MAGI2: variants seen among roughly 807,000 people sequenced by gnomAD.
MAGI2 encodes the protein membrane associated guanylate kinase, WW and PDZ domain containing 2, also known as membrane-associated guanylate kinase, WW and PDZ domain-containing protein 2.
MAGI2 carries 35 observed loss-of-function variants against 133.3 expected under a neutral mutation model. The ratio of observed to expected loss-of-function variants is 0.26; its 90% CI spans 0.20 to 0.35. The LOEUF (loss-of-function observed/expected upper bound fraction) is 0.35. Among genes scored for constraint, MAGI2 ranks in the 10% least tolerant of loss-of-function variants. MAGI2 has a pLI of 1.00. For synonymous variants in MAGI2, 729 were observed against 710.6 expected (o/e 1.03, Z -0.41); for missense variants, 1,636 against 1,863.4 (o/e 0.88, Z 2.25).
intron 20 of MAGI2, among the ~76,000 whole-genome samples, chr7:78,109,303 CAAAAAAAAAAAAAAA>C (rs71085511): frequency 1.0e-4 from 2 of 19,944 alleles, no homozygotes; most frequent in African/African-American, 2.0e-4. Flanking sequence ...GACTCCGTCT[CAAAAAAAAAAAAAAA>C]AAAAAAAAAA....
rs111433212 is a variant in MAGI2 at position 78,837,242 on chromosome 7, C to T, written c.418+169848G>A. ...AACACATCTTACTAATTCTGTACTT[C>T]ATGTTTTTGTACATTGATTCTAGTT... On this transcript the variant is annotated intron_variant, in intron 2 of 21. Coordinates refer to ENST00000354212, the MANE Select transcript of MAGI2 (RefSeq NM_012301.4). Among the ~76,000 whole-genome samples, 370 of 152,258 alleles carry T rather than the reference C, an allele frequency of 2.4e-3. 3 individuals are homozygous for T. The highest frequency in any genetic ancestry group is 8.4e-3 in the African/African-American group (351 of 41,564).
chr7:79,086,121 C>T (rs1203822385), intron 1 of MAGI2, among the ~76,000 whole-genome samples: 7 of 151,894 alleles, frequency 4.6e-5, no homozygotes, highest in Non-Finnish European at 8.8e-5. Context: ...CTCATTATCT[C>T]TATTTGGTGA....
chr7:78,143,913 T>C (rs1297392574), intron 16 of MAGI2, among the ~76,000 whole-genome samples: 5 of 151,488 alleles, frequency 3.3e-5, no homozygotes. Context: ...CTTTCACTTA[T>C]AGTCCTATAA....
chr7:78,550,569 T>G (rs1442580280), intron 3 of MAGI2, among the ~76,000 whole-genome samples: 1 of 152,242 alleles, frequency 6.6e-6, no homozygotes, highest in Non-Finnish European at 1.5e-5. Flanking sequence ...ACCTGGACCT[T>G]GGAATACTGA....
At chr7:79,129,417 C>T (rs1820713757) in intron 1 of MAGI2, among the ~76,000 whole-genome samples, 1 of 152,102 alleles carries the variant, frequency 6.6e-6, no homozygotes, top group East Asian at 1.9e-4. Context: ...TCTAGTACTC[C>T]AAATGTGATT....
At chr7:79,121,189 C>T (rs1475508828) in intron 1 of MAGI2, among the ~76,000 whole-genome samples, 2 of 152,078 alleles carry the variant, frequency 1.3e-5, no homozygotes, top group African/African-American at 4.8e-5. Context: ...ACCTCCAGAA[C>T]ATGACTTATA....
At chr7:79,151,564 T>C (rs1350965438) in intron 1 of MAGI2, among the ~76,000 whole-genome samples, 4 of 152,128 alleles carry the variant, frequency 2.6e-5, no homozygotes, top group Non-Finnish European at 4.4e-5. Context: ...ATATCAAGTA[T>C]AGTGTGACTG....
At chr7:78,585,499 G>A (rs1014008407) in intron 3 of MAGI2, among the ~76,000 whole-genome samples, 3 of 152,190 alleles carry the variant, frequency 2.0e-5, no homozygotes, top group Non-Finnish European at 4.4e-5. Flanking sequence ...GGAAATGGCA[G>A]CAGCATAGGA....
chr7:79,109,226 G>A (rs1054711890), intron 1 of MAGI2, among the ~76,000 whole-genome samples: 6 of 152,172 alleles, frequency 3.9e-5, no homozygotes, highest in African/African-American at 1.2e-4. Flanking sequence ...TGGAGGGCTC[G>A]AAGGACAGGA....
intron 16 of MAGI2, among the ~76,000 whole-genome samples, chr7:78,146,533 A>G (rs915983415): frequency 1.3e-5 from 2 of 152,190 alleles, no homozygotes; most frequent in Admixed American, 1.3e-4. Flanking sequence ...CTTGAGAGAT[A>G]AAAACATAAA....
intron 1 of MAGI2, among the ~76,000 whole-genome samples, chr7:79,247,974 A>C (rs1290431313): frequency 6.6e-6 from 1 of 152,204 alleles, no homozygotes; most frequent in Non-Finnish European, 1.5e-5. Context: ...AACACAAAAC[A>C]ACCAGGACAC....
At chr7:78,307,984 G>A (rs181210045) in intron 9 of MAGI2, among the ~76,000 whole-genome samples, 13 of 152,268 alleles carry the variant, frequency 8.5e-5, no homozygotes, top group African/African-American at 2.9e-4. Context: ...ATTTTGAGAG[G>A]CATTGGATAA....
chr7:78,688,343 GACCA>G (rs549512709), intron 2 of MAGI2, among the ~76,000 whole-genome samples: 102 of 152,222 alleles, frequency 6.7e-4, no homozygotes, highest in African/African-American at 2.2e-3. Flanking sequence ...TAAAGGAAAG[GACCA>G]ACCAATTATT....
intron 2 of MAGI2, among the ~76,000 whole-genome samples, chr7:78,761,977 T>C (rs925443075): frequency 6.6e-6 from 1 of 152,132 alleles, no homozygotes; most frequent in African/African-American, 2.4e-5. Context: ...AATACTGACA[T>C]GAGGCATGGA....
Position 78,019,959 on chromosome 7 carries a change from T to A in MAGI2, c.3724A>T (p.Ser1242Cys). 2.5e-6 allele frequency: 4 copies of A among 1,606,658 alleles called. No homozygotes were observed. Among genetic ancestry groups the A allele is most frequent in the Non-Finnish European group, 3.4e-6 (4 of 1,177,452 alleles). Reference protein sequence around the residue: ...VPEYDEPAPWSSPAAAAPGLP... With the variant: ...VPEYDEPAPWCSPAAAAPGLP... ...CCTGGGGCGGCGGCAGCGGGAGAAC[T>A]CCAGGGGGCGGGTTCGTCTGTGGAC... The change falls in exon 22 of 22, where the codon AGT becomes TGT. Residue 1242 changes from serine (S) to cysteine (C), a missense_variant. Around this residue, in one of 5 missense-constraint regions of MAGI2, gnomAD observed 354 missense variants for 298.7 expected, o/e 1.19. Coordinates refer to ENST00000354212, the MANE Select transcript of MAGI2 (RefSeq NM_012301.4).
At chr7:78,573,365 A>AATATATAT (rs58739225) in intron 3 of MAGI2, among the ~76,000 whole-genome samples, 692 of 28,978 alleles carry the variant, frequency 0.024, 40 homozygotes, top group Non-Finnish European at 0.027. Flanking sequence ...GAATCCTGGA[A>AATATATAT]ATATATATAT....
intron 1 of MAGI2, among the ~76,000 whole-genome samples, chr7:79,065,697 G>A (rs1471955103): frequency 1.3e-5 from 2 of 151,996 alleles, no homozygotes; most frequent in Non-Finnish European, 2.9e-5. Flanking sequence ...TTCTCCTAAT[G>A]CTATCCTTCC....
chr7:79,285,073 A>T (rs1167885244), intron 1 of MAGI2, among the ~76,000 whole-genome samples: 1 of 152,082 alleles, frequency 6.6e-6, no homozygotes, highest in Non-Finnish European at 1.5e-5. Flanking sequence ...CCCATAATAG[A>T]ATGACTCTTA....
chr7:79,237,386 TG>T (rs919617756), intron 1 of MAGI2, among the ~76,000 whole-genome samples: 9 of 152,222 alleles, frequency 5.9e-5, no homozygotes, highest in South Asian at 2.1e-4. Context: ...CTAGCTACTC[TG>T]GAGGCTGAGC....
Sources: allele counts gnomAD v4.1 joint callset (sites outside exome capture counted in the v4.1 genomes callset), GRCh38; gene constraint gnomAD v4.1.1; regional missense constraint gnomAD v4.1.1; transcripts MANE v1.5; gene names NCBI Gene and HGNC (gene_info 2026-07-23, HGNC 2026-07-21).